The following NRG2 variants were observed in gnomAD, a reference collection of about 807,000 sequenced individuals.
NRG2 encodes the protein pro-neuregulin-2, membrane-bound isoform.
A neutral mutation model predicts 73.9 loss-of-function variants in NRG2; 27 were observed. That is an observed-to-expected ratio of 0.37 (90% confidence interval 0.27 to 0.50). NRG2 has a LOEUF of 0.50. Among genes scored for constraint, NRG2 ranks in the 20% least tolerant of loss-of-function variants. NRG2 has a pLI of 0.96. For missense variants in NRG2, 1,126 were observed against 1,210.1 expected, an observed-to-expected ratio of 0.93 and a Z score of 1.03; for synonymous variants, 532 against 541.0, an observed-to-expected ratio of 0.98 and a Z score of 0.23.
chr5:139,973,479 A>G (rs903086625), intron 1 of NRG2, among the ~76,000 whole-genome samples: 2 of 152,070 alleles, frequency 1.3e-5, no homozygotes, highest in African/African-American at 2.4e-5. Flanking sequence ...CTCCCACCTC[A>G]GCCTCCCAAG....
intron 3 of NRG2, among the ~76,000 whole-genome samples, chr5:139,878,288 C>G (rs1021543666): frequency 6.6e-6 from 1 of 152,256 alleles, no homozygotes; most frequent in Non-Finnish European, 1.5e-5. Context: ...TGGCCCCACC[C>G]TCCAAGCACA....
chr5:139,914,823 G>T (rs1347186274), intron 1 of NRG2, among the ~76,000 whole-genome samples: 1 of 152,186 alleles, frequency 6.6e-6, no homozygotes, highest in Non-Finnish European at 1.5e-5. Flanking sequence ...GGCTCAGCTT[G>T]CCCTACAGCT....
chr5:139,853,120 C>T lies in NRG2; in HGVS notation c.1293-93G>A, dbSNP rs1761574223. The T allele has an allele frequency of 6.4e-7, 1 of 1,554,670 alleles. No homozygotes were observed. Among genetic ancestry groups the T allele is most frequent in the Non-Finnish European group, 8.7e-7 (1 of 1,146,356 alleles). On this transcript the variant is annotated intron_variant, in intron 6 of 9. Transcript: ENST00000361474. This position sits in a 1 kb window ranked among gnomAD's most constrained non-coding sequence, Gnocchi z 4.1. ...TCTCTCTAGGGAAACAGCTTTTCCT[C>T]CTGCCCAGGGTGGCCATGGCTACTG...
At chr5:139,926,695 G>T (rs1054909788) in intron 1 of NRG2, among the ~76,000 whole-genome samples, 3 of 152,120 alleles carry the variant, frequency 2.0e-5, no homozygotes, top group African/African-American at 7.2e-5. Context: ...CTCAGGCAAG[G>T]CTGCCTCTAA....
intron 1 of NRG2, among the ~76,000 whole-genome samples, chr5:139,889,469 T>C (rs996329791): frequency 6.6e-6 from 1 of 152,250 alleles, no homozygotes; most frequent in African/African-American, 2.4e-5. Context: ...ATCAATCTTA[T>C]GGGTTCCTTT....
In NRG2 at chr5:139,848,262, C is replaced by A. The variant is rs1761141487; in HGVS notation, c.2208G>T (p.Thr736=). ...RPRARGASRR[T]SAGPRRWRRS... ...GGCGCCAGCGCCGGGGCCCCGCCGA[C>A]GTCCTGCGGGACGCACCGCGCGCGC... Residue 736 remains threonine (T), a synonymous_variant, in exon 10 of 10, where the codon ACG becomes ACT. Transcript: ENST00000361474. 4 of 1,117,202 alleles carry A rather than the reference C, an allele frequency of 3.6e-6. No individual in the cohort carries two copies. The highest frequency in any genetic ancestry group is 9.7e-5 in the East Asian group (2 of 20,518). 69.2% of individuals were successfully genotyped at this position (1,117,202 alleles called of 1,614,324 possible). A position where few individuals can be genotyped will look rare whatever the true frequency, so the allele number is the denominator to read the frequency against.
At chr5:139,901,185 C>T (rs1764867761) in intron 1 of NRG2, among the ~76,000 whole-genome samples, 1 of 152,254 alleles carries the variant, frequency 6.6e-6, no homozygotes, top group Non-Finnish European at 1.5e-5. Context: ...TTGGTCCCCT[C>T]TTCACCCCTG....
At chr5:140,009,873 A>G (rs968422701) in intron 1 of NRG2, among the ~76,000 whole-genome samples, 3 of 152,242 alleles carry the variant, frequency 2.0e-5, no homozygotes, top group Admixed American at 6.5e-5. Flanking sequence ...TACATATTAC[A>G]TCATTCCAAC....
chr5:140,023,735 C>T (rs1329449186), intron 1 of NRG2, among the ~76,000 whole-genome samples: 6 of 152,206 alleles, frequency 3.9e-5, no homozygotes, highest in Non-Finnish European at 8.8e-5. Flanking sequence ...GCACACCCAT[C>T]TAGCTGATCC....
intron 1 of NRG2, among the ~76,000 whole-genome samples, chr5:139,923,825 C>G (rs1162363258): frequency 6.6e-6 from 1 of 152,120 alleles, no homozygotes; most frequent in Non-Finnish European, 1.5e-5. Context: ...ATACTTGGGA[C>G]CTCTAGGCCT....
chr5:139,948,500 C>T (rs537957849), intron 1 of NRG2, among the ~76,000 whole-genome samples: 1 of 152,280 alleles, frequency 6.6e-6, no homozygotes, highest in East Asian at 1.9e-4. Flanking sequence ...TTCTCCTGAC[C>T]GCCATCCTAG....
At chr5:139,899,906 G>T (rs1294074855) in intron 1 of NRG2, among the ~76,000 whole-genome samples, 1 of 152,198 alleles carries the variant, frequency 6.6e-6, no homozygotes, top group Non-Finnish European at 1.5e-5. Context: ...CTAATTCATG[G>T]TTAATCGTGG....
intron 1 of NRG2, among the ~76,000 whole-genome samples, chr5:139,949,104 T>C (rs1255394445): frequency 6.6e-6 from 1 of 152,176 alleles, no homozygotes; most frequent in Non-Finnish European, 1.5e-5. Context: ...ATAAGACTAA[T>C]TTGACCACTA....
chr5:139,990,808 CTTG>C (rs1382812431), intron 1 of NRG2, among the ~76,000 whole-genome samples: 2 of 152,084 alleles, frequency 1.3e-5, no homozygotes, highest in African/African-American at 4.8e-5. Flanking sequence ...CTATGAAATG[CTTG>C]TTATTTGCCC....
At chr5:139,855,857 C>A in intron 5 of NRG2, 79 bp from the exon 6 acceptor site, 1 of 1,148,704 alleles carries the variant, frequency 8.7e-7, no homozygotes, top group Non-Finnish European at 1.3e-6. Context: ...CCCCTTTGCC[C>A]CCAAAGCCAT....
intron 1 of NRG2, among the ~76,000 whole-genome samples, chr5:139,934,760 G>C (rs1752719012): frequency 6.6e-6 from 1 of 152,224 alleles, no homozygotes; most frequent in African/African-American, 2.4e-5. Context: ...CTAGCCAAAA[G>C]AAGGCTTAAG....
intron 1 of NRG2, among the ~76,000 whole-genome samples, chr5:139,941,007 A>G (rs1269742584): frequency 1.3e-5 from 2 of 152,176 alleles, no homozygotes; most frequent in Non-Finnish European, 2.9e-5. Flanking sequence ...AGAAGTAGGG[A>G]AGGAAAAAAA....
intron 1 of NRG2, among the ~76,000 whole-genome samples, chr5:140,035,926 G>A (rs774345287): frequency 8.5e-5 from 13 of 152,180 alleles, no homozygotes; most frequent in East Asian, 1.9e-4. Flanking sequence ...GGAGGTCTGC[G>A]TTGCTTGCAG....
At chr5:139,981,587 C>T (rs1756805424) in intron 1 of NRG2, among the ~76,000 whole-genome samples, 1 of 152,202 alleles carries the variant, frequency 6.6e-6, no homozygotes, top group African/African-American at 2.4e-5. Context: ...CTATCCCAGG[C>T]ACCAAAGCCC....
Sources: allele counts gnomAD v4.1 joint callset (sites outside exome capture counted in the v4.1 genomes callset), GRCh38; gene constraint gnomAD v4.1.1; non-coding constraint Gnocchi (gnomAD v3.1); transcripts MANE v1.5; gene names NCBI Gene and HGNC (gene_info 2026-07-23, HGNC 2026-07-21).